Variants in MDN1 observed in about 807,000 individuals in gnomAD.
MDN1 encodes the protein midasin AAA ATPase 1.
Under a neutral mutation model 669.2 loss-of-function variants are expected in MDN1, and 266 were observed. The ratio of observed to expected loss-of-function variants is 0.40; its 90% CI spans 0.36 to 0.44. The LOEUF (loss-of-function observed/expected upper bound fraction) is 0.44. Among genes scored for constraint, MDN1 ranks in the 20% least tolerant of loss-of-function variants. The probability of loss-of-function intolerance (pLI) is 1.00; values close to 1 mark genes in which losing one functional copy is unlikely to be tolerated. For missense variants in MDN1, 5,940 were observed against 6,754.0 expected, an observed-to-expected ratio of 0.88 and a Z score of 4.22; for synonymous variants, 2,385 against 2,457.1, an observed-to-expected ratio of 0.97 and a Z score of 0.87.
At position 89,790,344 on chromosome 6, in the gene MDN1, C is replaced by A; in HGVS notation, c.913G>T (p.Val305Phe). ...TGAAGACTTTTGCAGACAGACTCAA[C>A]CAGCACATAAGACCTAAGGGCCAGC... is the stretch of plus-strand genomic sequence containing the variant. ...QELALRSYVLVESVCKSLQTL... is the reference protein window; with the variant it reads ...QELALRSYVLFESVCKSLQTL... The change falls in exon 6 of 102, where the codon GTT (valine) becomes TTT (phenylalanine). Residue 305 changes from valine to phenylalanine, a missense_variant. This residue lies in a region of MDN1 where 1,203 missense variants were observed against 1,268.9 expected (regional missense o/e 0.95). Transcript: ENST00000369393. The A allele has an allele frequency of 6.2e-7, 1 of 1,614,128 alleles. No homozygotes were observed. The highest frequency in any genetic ancestry group is 8.5e-7 in the Non-Finnish European group (1 of 1,180,040).
chr6:89,657,584 T>C (rs954724270), intron 90 of MDN1, among the ~76,000 whole-genome samples: 1 of 152,230 alleles, frequency 6.6e-6, no homozygotes, highest in African/African-American at 2.4e-5. Context: ...CTAAATTCCA[T>C]GTTTCCTTCC....
At chr6:89,661,866 C>CTA (rs1022745044) in intron 87 of MDN1, among the ~76,000 whole-genome samples, 22 of 152,308 alleles carry the variant, frequency 1.4e-4, no homozygotes, top group African/African-American at 5.3e-4. Flanking sequence ...AGCTTCTGAT[C>CTA]TATAGCATGA....
rs754287941 is a variant in MDN1 at position 89,696,502 on chromosome 6, T to G, written c.9241A>C (p.Ser3081Arg). 6.2e-7 allele frequency: 1 copy of G among 1,614,088 alleles called. No homozygotes were observed. Among genetic ancestry groups the G allele is most frequent in the Non-Finnish European group, 8.5e-7 (1 of 1,180,022 alleles). The change falls in exon 60 of 102, where the codon AGT (serine) becomes CGT (arginine). Residue 3081 changes from serine (S) to arginine (R), a missense_variant. Ser to Arg is a moderately radical substitution (Grantham distance 110, BLOSUM62 -1). This residue lies in a region of MDN1 where 2,292 missense variants were observed against 2,638.3 expected (regional missense o/e 0.87). Coordinates refer to ENST00000369393, the MANE Select transcript of MDN1 (RefSeq NM_014611.3). ...GGGAGGCCACTCACATCCCAGGGAC[T>G]TGCTCTCCAGCTGCTGGTTAAGACT... ...FEVLTSSWRA[S>R]PWDVSGLPIL...
At position 89,683,332 on chromosome 6, in the gene MDN1, T is replaced by C. The variant is rs1298147801; in HGVS notation, c.11904-2A>G. 1 of 1,613,520 alleles carries C rather than the reference T, an allele frequency of 6.2e-7. No individual in the cohort carries two copies. Among genetic ancestry groups the C allele is most frequent in the Non-Finnish European group, 8.5e-7 (1 of 1,179,758 alleles). ...TTCTTCATGAATTTAAAGAGTGTCC[T>C]GTCCCCAGGTAATGACAGAGATAAG... On this transcript the variant is annotated splice_acceptor_variant, in intron 72 of 101. Transcript: ENST00000369393. LOFTEE classifies it high-confidence loss of function.
intron 1 of MDN1, among the ~76,000 whole-genome samples, chr6:89,812,131 A>G (rs902463252): frequency 4.6e-5 from 7 of 151,614 alleles, no homozygotes; most frequent in Admixed American, 3.3e-4. Flanking sequence ...GATTACAGGC[A>G]TGCGCCACCA....
intron 67 of MDN1, 131 bp downstream of exon 67, chr6:89,687,947 C>T (rs1584191350): frequency 2.4e-6 from 2 of 831,172 alleles, no homozygotes; most frequent in South Asian, 1.6e-5. Context: ...CACCCCATGC[C>T]AGAAAAACCA....
At chr6:89,751,618 T>C (rs759713641) in intron 22 of MDN1, 36 bp from the exon 23 acceptor site, 29 of 1,593,560 alleles carry the variant, frequency 1.8e-5, no homozygotes, top group African/African-American at 4.0e-5. Flanking sequence ...TAACCCACAG[T>C]TGTACATTCT....
Position 89,745,324 on chromosome 6 carries a change from A to C in MDN1, c.4127T>G (p.Val1376Gly), listed in dbSNP as rs1254159646. ...TEGMRRLAML[V>G]GRALEFGEPV... is the part of the protein sequence containing the mutation. Reference sequence around the variant, plus strand: ...TTCACCAAATTCCAATGCCCTTCCCACTAGCATCGCGAGTCTCCGCATGCC... The same window carrying C: ...TTCACCAAATTCCAATGCCCTTCCCCCTAGCATCGCGAGTCTCCGCATGCC... Residue 1376 changes from valine (V) to glycine (G), a missense_variant, in exon 29 of 102, where the codon GTG becomes GGG. Val to Gly is a moderately radical substitution (Grantham distance 109, BLOSUM62 -3). Around this residue, in one of 5 missense-constraint regions of MDN1, gnomAD observed 2,292 missense variants for 2,638.3 expected, o/e 0.87. Transcript: ENST00000369393. The C allele has an allele frequency of 6.2e-7, 1 of 1,613,948 alleles. No homozygotes were observed. The highest frequency in any genetic ancestry group is 8.5e-7 in the Non-Finnish European group (1 of 1,179,930).
rs1647356965 is a variant in MDN1, at chr6:89,664,410, T to C, written c.14236+77A>G. On this transcript the variant is annotated intron_variant, in intron 85 of 101. Coordinates refer to ENST00000369393, the MANE Select transcript of MDN1 (RefSeq NM_014611.3). ...TTTCAAAAGATTATATTGGGTTCCT[T>C]ATTAGGAACATGTAATTTCCTGGAT... is the stretch of plus-strand genomic sequence containing the variant. The C allele has an allele frequency of 1.9e-6, 3 of 1,542,416 alleles. No individual in the cohort carries two copies. In the Admixed American group the frequency reaches 5.5e-5, roughly 28 times the overall value.
Position 89,653,109 on chromosome 6 carries a change from T to C in MDN1, c.15708A>G (p.Glu5236=). The C allele has an allele frequency of 6.2e-7, 1 of 1,614,122 alleles. No individual in the cohort carries two copies. Among genetic ancestry groups the C allele is most frequent in the Non-Finnish European group, 8.5e-7 (1 of 1,180,006 alleles). ...CTTTGTCTGTTCTGGGGTCTTGGTC[T>C]TCCTCTGTTTTAACAGTTTGGATCT... ...EVEIQTVKTE[E]DQDPRTDKAH... The change falls in exon 94 of 102, where the codon GAA becomes GAG. Residue 5236 remains glutamate (E), a synonymous_variant. Coordinates refer to ENST00000369393, the MANE Select transcript of MDN1 (RefSeq NM_014611.3).
intron 92 of MDN1, 86 bp from the exon 93 acceptor site, chr6:89,654,420 C>G (rs1472192307): frequency 1.3e-6 from 2 of 1,532,700 alleles, no homozygotes; most frequent in Non-Finnish European, 1.8e-6. Context: ...TTCTGTCATT[C>G]TAGCTTCCAA....
intron 58 of MDN1, 23 bp downstream of exon 58, chr6:89,699,578 T>G (rs1469729037): frequency 6.2e-7 from 1 of 1,603,268 alleles, no homozygotes; most frequent in African/African-American, 1.3e-5. Context: ...TAAAGGAGGC[T>G]TATGTCTTAT....
chr6:89,720,913 T>C (rs923545833), intron 40 of MDN1, among the ~76,000 whole-genome samples: 3 of 152,070 alleles, frequency 2.0e-5, no homozygotes, highest in South Asian at 2.1e-4. Flanking sequence ...GGCAGGAAGA[T>C]TGCTTGAGCC....
At chr6:89,802,503 T>A in intron 2 of MDN1, among the ~76,000 whole-genome samples, 1 of 152,118 alleles carries the variant, frequency 6.6e-6, no homozygotes, top group East Asian at 1.9e-4. Flanking sequence ...GCCAACATGG[T>A]GAAACCCCGT....
In MDN1 at chr6:89,730,817, T is replaced by C. The variant is rs1348273220; in HGVS notation, c.5049A>G (p.Lys1683=). ...TTCTGTCATAAATCTTCAACTCATT[T>C]TTCTGATATTCTGTAAGTCGTACTA... is the stretch of plus-strand genomic sequence containing the variant. ...AKIVRLTEYQ[K]NELKIYDRMK... The change falls in exon 35 of 102, where the codon AAA becomes AAG. Residue 1683 remains lysine (K), a synonymous_variant. Coordinates refer to ENST00000369393, the MANE Select transcript of MDN1 (RefSeq NM_014611.3). The C allele has an allele frequency of 6.2e-7, 1 of 1,614,136 alleles. No individual in the cohort carries two copies.
chr6:89,669,276 A>G (rs1382994237), intron 83 of MDN1, among the ~76,000 whole-genome samples: 1 of 152,236 alleles, frequency 6.6e-6, no homozygotes, highest in East Asian at 1.9e-4. Flanking sequence ...TTTTCCTGCC[A>G]CTATCTTTAG....
chr6:89,802,406 CG>C (rs1767724438), intron 2 of MDN1, among the ~76,000 whole-genome samples: 1 of 152,190 alleles, frequency 6.6e-6, no homozygotes, highest in Non-Finnish European at 1.5e-5. Flanking sequence ...TTCTGTTGGC[CG>C]GGCACAGTGG....
At chr6:89,768,868 C>A (rs914043581) in intron 15 of MDN1, among the ~76,000 whole-genome samples, 1 of 152,162 alleles carries the variant, frequency 6.6e-6, no homozygotes, top group Non-Finnish European at 1.5e-5. Context: ...CCAGTCTGGG[C>A]AACATAGTGA....
In MDN1 at chr6:89,645,144, G is replaced by A. The variant is rs367799086; in HGVS notation, c.16473C>T (p.Leu5491=). The A allele has an allele frequency of 7.5e-6, 12 of 1,605,210 alleles. No homozygotes were observed. The African/African-American group carries it at 9.4e-5, about 13-fold the overall frequency. The change falls in exon 101 of 102, where the codon CTC becomes CTT. Residue 5491 remains leucine, a synonymous_variant. Transcript: ENST00000369393. ...SQNISSETAQ[L]LLVVSDGRGL... ...CTCGCCCATCAGAGACTACCAGGAG[G>A]AGTTGTGCAGTTTCTGTAGACCATA... is the stretch of plus-strand genomic sequence containing the variant.
Sources: allele counts gnomAD v4.1 joint callset (sites outside exome capture counted in the v4.1 genomes callset), GRCh38; gene constraint gnomAD v4.1.1; regional missense constraint gnomAD v4.1.1; transcripts MANE v1.5; gene names NCBI Gene and HGNC (gene_info 2026-07-23, HGNC 2026-07-21).